CLEC16A: variants seen among roughly 807,000 people sequenced by gnomAD.
The protein encoded by CLEC16A is protein CLEC16A.
Under a neutral mutation model 109.5 loss-of-function variants are expected in CLEC16A, and 51 were observed. The ratio of observed to expected loss-of-function variants is 0.47; its 90% confidence interval spans 0.37 to 0.59. The LOEUF (loss-of-function observed/expected upper bound fraction) is 0.59. Ranked by LOEUF, CLEC16A falls within the 20% of genes least tolerant of loss-of-function variation. The pLI, the probability that CLEC16A is intolerant of heterozygous loss-of-function variation, is 0.00. For missense variants in CLEC16A, 1,339 were observed against 1,394.0 expected, an observed-to-expected ratio of 0.96 and a Z score of 0.63; for synonymous variants, 673 against 564.2, an observed-to-expected ratio of 1.19 and a Z score of -2.73.
intron 19 of CLEC16A, among the ~76,000 whole-genome samples, chr16:11,067,071 G>A (rs2048800055): frequency 1.3e-5 from 2 of 151,564 alleles, no homozygotes; most frequent in South Asian, 2.1e-4. Context: ...TCAGAACGAG[G>A]GTAGTCTTTC....
intron 19 of CLEC16A, among the ~76,000 whole-genome samples, chr16:11,108,902 A>AGATC (rs1475982010): frequency 6.6e-6 from 1 of 152,000 alleles, no homozygotes; most frequent in Non-Finnish European, 1.5e-5. Context: ...CGAGGTCAGG[A>AGATC]GATCGAGACC....
At chr16:10,959,593 T>C (rs901736318) in intron 2 of CLEC16A, among the ~76,000 whole-genome samples, 13 of 152,130 alleles carry the variant, frequency 8.5e-5, no homozygotes, top group Admixed American at 2.0e-4. Context: ...TGTTTCGCCA[T>C]GTTGGCCAGG....
intron 11 of CLEC16A, among the ~76,000 whole-genome samples, chr16:11,012,510 G>C (rs1398564044): frequency 2.7e-5 from 4 of 149,230 alleles, no homozygotes; most frequent in African/African-American, 1.0e-4. Flanking sequence ...CAGGAGAATG[G>C]CGTGAACCCG....
At chr16:11,152,155 G>T (rs1019138977) in intron 22 of CLEC16A, among the ~76,000 whole-genome samples, 1 of 152,232 alleles carries the variant, frequency 6.6e-6, no homozygotes, top group African/African-American at 2.4e-5. Context: ...AATTTAGCCT[G>T]CATTTCAGGG....
intron 3 of CLEC16A, among the ~76,000 whole-genome samples, chr16:10,963,705 G>T (rs956917339): frequency 1.3e-5 from 2 of 152,204 alleles, no homozygotes; most frequent in African/African-American, 2.4e-5. Context: ...GGTGCCATCA[G>T]TGCTTTCATT....
chr16:11,172,771 C>T (rs1351381010), intron 23 of CLEC16A, among the ~76,000 whole-genome samples: 4 of 152,040 alleles, frequency 2.6e-5, no homozygotes, highest in Admixed American at 6.5e-5. Context: ...CGTCTGTAAT[C>T]CCAGCTACTC....
Position 11,181,837 on chromosome 16 carries a change from CTG to C in CLEC16A, c.*3148_*3149del, listed in dbSNP as rs1472946039. The C allele has an allele frequency of 2.0e-5, 3 of 152,648 alleles. No individual in the cohort carries two copies. Among genetic ancestry groups the C allele is most frequent in the Admixed American group, 6.5e-5 (1 of 15,290 alleles). 9.5% of individuals were successfully genotyped at this position (152,648 alleles called of 1,614,324 possible). On this transcript the variant is annotated 3_prime_UTR_variant, in exon 24 of 24. Coordinates refer to ENST00000409790, the MANE Select transcript of CLEC16A (RefSeq NM_015226.3). Reference sequence around the variant, plus strand: ...GACGCGCTAGATTCCTCTAAGGTCTCTGAGATGCACCGTTTTTTAAAAAGGCG... The same window carrying C: ...GACGCGCTAGATTCCTCTAAGGTCTCAGATGCACCGTTTTTTAAAAAGGCG...
chr16:11,169,614 T>TCA (rs527596345), intron 23 of CLEC16A, among the ~76,000 whole-genome samples: 228 of 152,272 alleles, frequency 1.5e-3, no homozygotes, highest in African/African-American at 5.3e-3. Flanking sequence ...CATGGCCAGG[T>TCA]GTTTGGCTGG....
chr16:10,988,447 T>C (rs544527012), intron 10 of CLEC16A, among the ~76,000 whole-genome samples: 3 of 152,310 alleles, frequency 2.0e-5, no homozygotes, highest in East Asian at 1.9e-4. Flanking sequence ...CTGTGCCACC[T>C]GTGCCATCAT....
intron 10 of CLEC16A, among the ~76,000 whole-genome samples, chr16:10,992,967 G>A (rs2044116434): frequency 6.6e-6 from 1 of 152,106 alleles, no homozygotes. Context: ...GGGGGGCGTG[G>A]CCAAAACATG....
chr16:10,949,994 A>G (rs2041639661), intron 1 of CLEC16A, among the ~76,000 whole-genome samples: 1 of 152,204 alleles, frequency 6.6e-6, no homozygotes, highest in Admixed American at 6.5e-5. Flanking sequence ...TGGTGACTTC[A>G]GCCAACAAGA....
intron 12 of CLEC16A, among the ~76,000 whole-genome samples, chr16:11,020,693 T>G (rs2046047535): frequency 6.6e-6 from 1 of 152,246 alleles, no homozygotes; most frequent in Non-Finnish European, 1.5e-5. Context: ...TGGATCTCCC[T>G]GCCTGGTTCA....
At chr16:10,986,885 G>T (rs1056853623) in intron 10 of CLEC16A, among the ~76,000 whole-genome samples, 1 of 151,348 alleles carries the variant, frequency 6.6e-6, no homozygotes, top group Non-Finnish European at 1.5e-5. Context: ...ACAGAGTCTG[G>T]CTCTGTCGCC....
intron 1 of CLEC16A, among the ~76,000 whole-genome samples, chr16:10,945,387 G>C (rs1596678685): frequency 6.6e-6 from 1 of 152,186 alleles, no homozygotes; most frequent in Non-Finnish European, 1.5e-5. Flanking sequence ...TAAGCTGGGG[G>C]CATGCACGCT....
chr16:11,182,092 C>T lies in CLEC16A; in HGVS notation c.*3402C>T, dbSNP rs946665409. ...AGTACCTGCTTTCGCCAGCATGACT[C>T]ATGCTTCGTGGGTACTGAACACGAG... On this transcript the variant is annotated 3_prime_UTR_variant, in exon 24 of 24. Coordinates refer to ENST00000409790, the MANE Select transcript of CLEC16A (RefSeq NM_015226.3). 1 of 152,346 alleles carries T rather than the reference C, an allele frequency of 6.6e-6. No individual in the cohort carries two copies. The highest frequency in any genetic ancestry group is 2.4e-5 in the African/African-American group (1 of 41,452). 9.4% of individuals were successfully genotyped at this position (152,346 alleles called of 1,614,324 possible).
intron 19 of CLEC16A, among the ~76,000 whole-genome samples, chr16:11,086,083 G>A (rs2049994345): frequency 6.6e-6 from 1 of 152,250 alleles, no homozygotes; most frequent in African/African-American, 2.4e-5. Context: ...ACTGTTTGTT[G>A]AAAGTGCATT....
intron 1 of CLEC16A, among the ~76,000 whole-genome samples, chr16:10,956,167 A>G (rs1045886725): frequency 2.0e-5 from 3 of 152,154 alleles, no homozygotes; most frequent in African/African-American, 7.2e-5. Context: ...GTGGTTGAGG[A>G]TTTGTGTTTT....
At chr16:11,115,534 A>G (rs1478796982) in intron 19 of CLEC16A, among the ~76,000 whole-genome samples, 2 of 152,014 alleles carry the variant, frequency 1.3e-5, no homozygotes, top group Non-Finnish European at 2.9e-5. Context: ...CACTACAGCC[A>G]GTTGATTTTT....
At chr16:11,117,587 TC>T (rs1167649301) in intron 19 of CLEC16A, among the ~76,000 whole-genome samples, 2 of 152,206 alleles carry the variant, frequency 1.3e-5, no homozygotes, top group Non-Finnish European at 2.9e-5. Context: ...TGAATACTTT[TC>T]TCATTTTAAA....
Sources: gnomAD v4.1 joint callset for allele counts (sites outside exome capture counted in the v4.1 genomes callset) on GRCh38, gnomAD v4.1.1 for gene constraint, MANE v1.5 for transcripts, NCBI Gene and HGNC (gene_info 2026-07-23, HGNC 2026-07-21) for gene names.